The following ICA1L variants were observed in gnomAD, a reference collection of about 807,000 sequenced individuals.
ICA1L encodes the protein islet cell autoantigen 1 like, also known as islet cell autoantigen 1-like protein.
ICA1L carries 50 observed loss-of-function variants against 61.3 expected under a neutral mutation model. That is an observed-to-expected ratio of 0.82 (90% CI 0.65 to 1.03). The LOEUF is 1.03. Ranked by LOEUF, ICA1L falls within the 50% of genes least tolerant of loss-of-function variation. ICA1L has a pLI of 0.00. For synonymous variants in ICA1L, 161 were observed against 191.3 expected (o/e 0.84, Z 1.31); for missense variants, 508 against 556.7 (o/e 0.91, Z 0.88).
intron 1 of ICA1L, among the ~76,000 whole-genome samples, chr2:202,855,846 C>T (rs761897887): frequency 2.6e-5 from 4 of 152,008 alleles, no homozygotes; most frequent in East Asian, 3.9e-4. Context: ...GAGGCCAAGG[C>T]GGGCAGATCA....
At chr2:202,821,266 A>C in intron 4 of ICA1L, 92 bp downstream of exon 4, 1 of 1,258,276 alleles carries the variant, frequency 7.9e-7, no homozygotes, top group Non-Finnish European at 1.1e-6. Flanking sequence ...ATTAGAATGA[A>C]CAGTGACCTT....
At chr2:202,798,629 T>C (rs1375577404) in intron 9 of ICA1L, among the ~76,000 whole-genome samples, 1 of 152,216 alleles carries the variant, frequency 6.6e-6, no homozygotes, top group African/African-American at 2.4e-5. Flanking sequence ...AGTGGTCAAG[T>C]CAGGGTATTT....
rs943469093 is a variant in ICA1L, at chr2:202,871,708, G to C, written c.-97C>G. The C allele has an allele frequency of 6.6e-6, 1 of 152,642 alleles. No homozygotes were observed. Among genetic ancestry groups the C allele is most frequent in the African/African-American group, 2.4e-5 (1 of 41,442 alleles). 9.5% of individuals were successfully genotyped at this position (152,642 alleles called of 1,614,324 possible). A position where few individuals can be genotyped will look rare whatever the true frequency, so the allele number is the denominator to read the frequency against. On this transcript the variant is annotated 5_prime_UTR_variant, in exon 1 of 13. Transcript: ENST00000358299. ...TCCGGCCACCGCCCGCGAGCCCCGC[G>C]CCGACTCCCGGCCCTCCGGCAGCCA...
chr2:202,851,721 T>C (rs1312997859), intron 1 of ICA1L, among the ~76,000 whole-genome samples: 2 of 152,234 alleles, frequency 1.3e-5, no homozygotes, highest in African/African-American at 2.4e-5. Flanking sequence ...TGTCAGATGG[T>C]ATCTCATGGT....
intron 12 of ICA1L, among the ~76,000 whole-genome samples, chr2:202,783,921 AAG>A (rs1304072561): frequency 6.6e-6 from 1 of 152,102 alleles, no homozygotes; most frequent in Non-Finnish European, 1.5e-5. Flanking sequence ...GTGGGGAAGA[AAG>A]AGGATGAGTG....
At chr2:202,811,565 G>C (rs1693379144) in intron 9 of ICA1L, among the ~76,000 whole-genome samples, 181 bp downstream of exon 9, 2 of 151,360 alleles carry the variant, frequency 1.3e-5, no homozygotes, top group South Asian at 4.2e-4. Flanking sequence ...AGGAGGCTGA[G>C]GCAGGAGAAT....
intron 12 of ICA1L, among the ~76,000 whole-genome samples, chr2:202,783,343 C>T (rs1248179018): frequency 3.3e-5 from 5 of 152,156 alleles, no homozygotes; most frequent in African/African-American, 1.2e-4. Flanking sequence ...AATGGAGAAA[C>T]GTGACAGATA....
At chr2:202,792,811 T>TA (rs1013688381) in intron 10 of ICA1L, among the ~76,000 whole-genome samples, 11 of 150,604 alleles carry the variant, frequency 7.3e-5, no homozygotes, top group Admixed American at 2.7e-4. Context: ...CTCAAAAAAT[T>TA]AAAAAAAAAT....
intron 9 of ICA1L, among the ~76,000 whole-genome samples, chr2:202,798,448 C>G (rs1264019209): frequency 6.6e-6 from 1 of 151,964 alleles, no homozygotes; most frequent in Non-Finnish European, 1.5e-5. Context: ...ACTATGTTAC[C>G]CAGGCAAGTT....
chr2:202,866,821 C>T (rs566619945), intron 1 of ICA1L, among the ~76,000 whole-genome samples: 41 of 152,148 alleles, frequency 2.7e-4, no homozygotes, highest in African/African-American at 9.4e-4. Context: ...GTGGCAGGCT[C>T]CTGTAGTCCC....
chr2:202,773,889 T>C lies in ICA1L; in HGVS notation c.*5644A>G. On this transcript the variant is annotated 3_prime_UTR_variant, in exon 13 of 13. Transcript: ENST00000358299. Reference sequence around the variant, plus strand: ...GGCTGAGTGGAACAGTCCTGCTAAATAAACCAGTGGAATAAGAACAGTCAA... The same window carrying C: ...GGCTGAGTGGAACAGTCCTGCTAAACAAACCAGTGGAATAAGAACAGTCAA... The C allele has an allele frequency of 7.8e-7, 1 of 1,278,750 alleles. No homozygotes were observed. The highest frequency in any genetic ancestry group is 1.2e-5 in the South Asian group (1 of 82,908). 79.2% of individuals were successfully genotyped at this position (1,278,750 alleles called of 1,614,324 possible). A position where few individuals can be genotyped will look rare whatever the true frequency, so the allele number is the denominator to read the frequency against.
chr2:202,850,624 A>T (rs934681731), intron 1 of ICA1L, among the ~76,000 whole-genome samples: 2 of 152,242 alleles, frequency 1.3e-5, no homozygotes, highest in Non-Finnish European at 2.9e-5. Flanking sequence ...AGCCCTCAAG[A>T]AATATGGGAC....
At chr2:202,788,367 G>A (rs185980628) in intron 11 of ICA1L, among the ~76,000 whole-genome samples, 175 of 152,280 alleles carry the variant, frequency 1.1e-3, no homozygotes, top group African/African-American at 4.1e-3. Flanking sequence ...CAATATGGAT[G>A]TGAGAAGCAA....
chr2:202,867,359 G>A (rs1019697917), intron 1 of ICA1L, among the ~76,000 whole-genome samples: 1 of 152,050 alleles, frequency 6.6e-6, no homozygotes, highest in African/African-American at 2.4e-5. Flanking sequence ...TACAAACCTA[G>A]ATGTTATAAG....
intron 1 of ICA1L, among the ~76,000 whole-genome samples, chr2:202,836,830 G>GATATAGATATATATAGATATATAGAT (rs1484911031): frequency 7.3e-6 from 1 of 136,774 alleles, no homozygotes; most frequent in Admixed American, 7.2e-5. Context: ...TATAGATATA[G>GATATAGATATATATAGATATATAGAT]ATACAGATAT....
intron 1 of ICA1L, among the ~76,000 whole-genome samples, chr2:202,838,399 T>G (rs777955753): frequency 3.3e-5 from 5 of 152,222 alleles, no homozygotes; most frequent in Non-Finnish European, 4.4e-5. Flanking sequence ...TTGTATTCTG[T>G]TAATATTGGA....
chr2:202,789,687 T>C (rs1692689081), intron 10 of ICA1L, among the ~76,000 whole-genome samples: 1 of 152,152 alleles, frequency 6.6e-6, no homozygotes, highest in Admixed American at 6.5e-5. Flanking sequence ...CACCTGTAAA[T>C]CTTAAAACCT....
At chr2:202,798,341 C>T (rs1692994746) in intron 9 of ICA1L, among the ~76,000 whole-genome samples, 1 of 152,114 alleles carries the variant, frequency 6.6e-6, no homozygotes, top group African/African-American at 2.4e-5. Flanking sequence ...GATCTTCCCA[C>T]CTCAGTAGCT....
chr2:202,859,519 T>A (rs186553269), intron 1 of ICA1L, among the ~76,000 whole-genome samples: 1 of 152,198 alleles, frequency 6.6e-6, no homozygotes, highest in African/African-American at 2.4e-5. Context: ...CAATAAGACA[T>A]TGACATAGCA....
Sources: gnomAD v4.1 joint callset for allele counts (sites outside exome capture counted in the v4.1 genomes callset) on GRCh38, gnomAD v4.1.1 for gene constraint, MANE v1.5 for transcripts, NCBI Gene and HGNC (gene_info 2026-07-23, HGNC 2026-07-21) for gene names.